PTPRT: variants seen among roughly 807,000 people sequenced by gnomAD.
PTPRT encodes the protein protein tyrosine phosphatase receptor type T, also known as receptor-type tyrosine-protein phosphatase T.
A neutral mutation model predicts 176.8 loss-of-function variants in PTPRT; 56 were observed. The observed-to-expected ratio is 0.32, with a 90% CI of 0.26 to 0.40. The LOEUF (loss-of-function observed/expected upper bound fraction) is 0.40. Ranked by LOEUF, PTPRT falls within the 10% of genes least tolerant of loss-of-function variation. The pLI is 1.00. For synonymous variants in PTPRT, 783 were observed against 739.0 expected (o/e 1.06, Z -0.96); for missense variants, 1,540 against 1,908.2 (o/e 0.81, Z 3.60).
chr20:42,501,542 C>CG, intron 7 of PTPRT, among the ~76,000 whole-genome samples: 2 of 152,194 alleles, frequency 1.3e-5, no homozygotes, highest in Non-Finnish European at 2.9e-5. Flanking sequence ...CCTTCTCTTC[C>CG]GCCTGCCAAC....
chr20:42,641,577 G>A (rs1406463604), intron 7 of PTPRT, among the ~76,000 whole-genome samples: 2 of 152,152 alleles, frequency 1.3e-5, no homozygotes, highest in Non-Finnish European at 2.9e-5. Context: ...CTAAGTCTGT[G>A]ATCCACACAA....
At chr20:42,641,564 C>T (rs1354221395) in intron 7 of PTPRT, among the ~76,000 whole-genome samples, 1 of 152,084 alleles carries the variant, frequency 6.6e-6, no homozygotes, top group African/African-American at 2.4e-5. Context: ...TGGAAAAGTC[C>T]CTCTAAGTCT....
At chr20:42,050,819 C>T in the PTPRT span, among the ~76,000 whole-genome samples, 1 of 152,148 alleles carries the variant, frequency 6.6e-6, no homozygotes, top group Non-Finnish European at 1.5e-5. Flanking sequence ...CTGCTGTGCC[C>T]ATGATTCAGT....
intron 1 of PTPRT, among the ~76,000 whole-genome samples, chr20:43,059,467 A>G (rs1387115842): frequency 1.3e-5 from 2 of 152,240 alleles, no homozygotes; most frequent in Non-Finnish European, 2.9e-5. Context: ...AAGACAATTC[A>G]TTCAGCTAAA....
At position 42,646,839 on chromosome 20, in the gene PTPRT, C is replaced by T. The variant is rs943825869; in HGVS notation, c.1153+31027G>A. 6.3e-4 allele frequency among the ~76,000 whole-genome samples: 94 copies of T among 149,134 alleles called. 2 individuals are homozygous for T. The highest frequency in any genetic ancestry group is 5.7e-3 in the Admixed American group (86 of 15,052). ...TCAATAAATCACATGTACCTGTTCT[C>T]CTATCTCAGGCTCTATATCTAGAGA... On this transcript the variant is annotated intron_variant, in intron 7 of 30. Transcript: ENST00000373187.
intron 15 of PTPRT, among the ~76,000 whole-genome samples, chr20:42,215,109 G>A (rs1245888905): frequency 6.6e-6 from 1 of 152,204 alleles, no homozygotes; most frequent in African/African-American, 2.4e-5. Context: ...AAAGAAAAAA[G>A]TGCTTCAAAG....
intron 7 of PTPRT, among the ~76,000 whole-genome samples, chr20:42,558,301 C>A (rs2072894740): frequency 6.6e-6 from 1 of 152,078 alleles, no homozygotes. Context: ...CCATCCACGT[C>A]CCTGAAAAAG....
chr20:42,886,009 TC>T, intron 1 of PTPRT, 77 bp from the exon 2 acceptor site: 1 of 1,262,612 alleles, frequency 7.9e-7, no homozygotes, highest in Non-Finnish European at 1.0e-6. Context: ...CGTCGGCTCT[TC>T]ATTTACAGCT....
chr20:42,422,583 C>T (rs950704762), intron 9 of PTPRT, among the ~76,000 whole-genome samples: 1 of 152,178 alleles, frequency 6.6e-6, no homozygotes, highest in Non-Finnish European at 1.5e-5. Flanking sequence ...AAAAGGAACA[C>T]TTATATACTG....
chr20:42,469,179 G>A (rs112297769), intron 8 of PTPRT, among the ~76,000 whole-genome samples: 7 of 151,850 alleles, frequency 4.6e-5, no homozygotes, highest in Admixed American at 1.3e-4. Flanking sequence ...TAATGTGCAC[G>A]AGAATCTATA....
rs139855512 is a variant in PTPRT, at chr20:43,113,111, C to T, written c.88+76535G>A. Among the ~76,000 whole-genome samples, 691 of 126,654 alleles carry T rather than the reference C, an allele frequency of 5.5e-3. 42 individuals are homozygous for T. Among genetic ancestry groups the T allele is most frequent in the African/African-American group, 0.022 (649 of 29,356 alleles). 83.1% of individuals were successfully genotyped at this position (126,654 alleles called of 152,430 possible). A position where few individuals can be genotyped will look rare whatever the true frequency, so the allele number is the denominator to read the frequency against. On this transcript the variant is annotated intron_variant, in intron 1 of 30. Transcript: ENST00000373187. ...GTAACTCATTCATGATATAAACGTA[C>T]CTCCTGGGGTTTTGCATGTAACTCA... is the stretch of plus-strand genomic sequence containing the variant.
intron 12 of PTPRT, among the ~76,000 whole-genome samples, chr20:42,285,235 G>T (rs1359511362): frequency 6.6e-6 from 1 of 151,998 alleles, no homozygotes; most frequent in Non-Finnish European, 1.5e-5. Context: ...GCAAATGATT[G>T]TACAGTGTCA....
At chr20:42,826,485 T>G (rs568982530) in intron 2 of PTPRT, among the ~76,000 whole-genome samples, 46 of 152,288 alleles carry the variant, frequency 3.0e-4, no homozygotes, top group African/African-American at 9.9e-4. Flanking sequence ...TTGAGTTAAA[T>G]CTCTAACATG....
intron 2 of PTPRT, among the ~76,000 whole-genome samples, chr20:42,809,927 C>G (rs2077672591): frequency 6.6e-6 from 1 of 152,160 alleles, no homozygotes; most frequent in African/African-American, 2.4e-5. Flanking sequence ...TGATTCAACC[C>G]CACTACAACT....
chr20:42,216,543 C>A (rs536421363), intron 15 of PTPRT, among the ~76,000 whole-genome samples: 1 of 152,306 alleles, frequency 6.6e-6, no homozygotes, highest in South Asian at 2.1e-4. Flanking sequence ...CTTCTCTCAT[C>A]ACTTTTCATT....
chr20:42,940,088 C>T (rs774330859), intron 1 of PTPRT, among the ~76,000 whole-genome samples: 1 of 152,136 alleles, frequency 6.6e-6, no homozygotes, highest in Non-Finnish European at 1.5e-5. Flanking sequence ...ATAATCCCCC[C>T]AGGAGATAGT....
At chr20:42,994,555 G>A (rs1275981601) in intron 1 of PTPRT, among the ~76,000 whole-genome samples, 2 of 152,010 alleles carry the variant, frequency 1.3e-5, no homozygotes, top group Non-Finnish European at 2.9e-5. Context: ...ATACCTTAGA[G>A]AGCCAGATGC....
rs2075631282 is a variant in PTPRT, at chr20:42,683,122, G to A, written c.860-4963C>T. ...GCATTTTCTATTCACTGACCCTCCA[G>A]GTCTGTGGGAATGCCTCCACCCACC... On this transcript the variant is annotated intron_variant, in intron 6 of 30. Coordinates refer to ENST00000373187, the MANE Select transcript of PTPRT (RefSeq NM_007050.6). Among the ~76,000 whole-genome samples the A allele has an allele frequency of 2.0e-5, 3 of 152,086 alleles. No individual in the cohort carries two copies. In the South Asian group the frequency reaches 6.2e-4, roughly 32 times the overall value.
chr20:42,714,673 A>G (rs2076196677), intron 6 of PTPRT, among the ~76,000 whole-genome samples: 1 of 152,222 alleles, frequency 6.6e-6, no homozygotes, highest in Non-Finnish European at 1.5e-5. Flanking sequence ...TAGCGAAGAA[A>G]TACAGAAGTG....
Sources: gnomAD v4.1 joint callset for allele counts (sites outside exome capture counted in the v4.1 genomes callset) on GRCh38, gnomAD v4.1.1 for gene constraint, MANE v1.5 for transcripts, NCBI Gene and HGNC (gene_info 2026-07-23, HGNC 2026-07-21) for gene names.